Variants in FRMD3 observed in about 807,000 individuals in gnomAD.
FRMD3 encodes the protein FERM domain containing 3.
In FRMD3, 33 loss-of-function variants were observed where a neutral mutation model predicts 70.2. The ratio of observed to expected loss-of-function variants is 0.47; its 90% CI spans 0.36 to 0.63. The LOEUF (loss-of-function observed/expected upper bound fraction) is 0.63. Ranked by LOEUF, FRMD3 falls within the 20% of genes least tolerant of loss-of-function variation. The pLI, the probability that FRMD3 is intolerant of heterozygous loss-of-function variation, is 0.00. For synonymous variants in FRMD3, 279 were observed against 255.9 expected, an observed-to-expected ratio of 1.09 and a Z score of -0.86; for missense variants, 632 against 711.4, an observed-to-expected ratio of 0.89 and a Z score of 1.27.
intron 3 of FRMD3, among the ~76,000 whole-genome samples, chr9:83,372,050 A>C (rs962406672): frequency 6.6e-6 from 1 of 152,246 alleles, no homozygotes; most frequent in Non-Finnish European, 1.5e-5. Flanking sequence ...CATAATATGC[A>C]TTAACCTAAT....
intron 2 of FRMD3, among the ~76,000 whole-genome samples, chr9:83,388,511 AC>A (rs1277405202): frequency 6.6e-6 from 1 of 152,104 alleles, no homozygotes; most frequent in Non-Finnish European, 1.5e-5. Context: ...GCTGGGACCC[AC>A]CCCATGAGCC....
intron 1 of FRMD3, among the ~76,000 whole-genome samples, chr9:83,438,528 T>C (rs1827204203): frequency 6.6e-6 from 1 of 152,136 alleles, no homozygotes; most frequent in Admixed American, 6.6e-5. Flanking sequence ...GCCTCCCGAG[T>C]AGCTGGGATT....
intron 1 of FRMD3, among the ~76,000 whole-genome samples, chr9:83,518,162 T>G (rs1829494134): frequency 6.6e-6 from 1 of 152,140 alleles, no homozygotes; most frequent in African/African-American, 2.4e-5. Context: ...GAGAAAGAAA[T>G]AAAGCATGTT....
rs3029557 is a variant in FRMD3, at chr9:83,309,259, TACACACACACACACACACACACAC to T, written c.926+253_926+276del. Reference sequence around the variant, plus strand: ...ATTTTGTGGAAATAGCTATTTGAAATACACACACACACACACACACACACACACACACACACACACACACAGTGG... The same window carrying T: ...ATTTTGTGGAAATAGCTATTTGAAATACACACACACACACACACACAGTGG... On this transcript the variant is annotated intron_variant, in intron 10 of 13. Transcript: ENST00000304195. Among the ~76,000 whole-genome samples, 5 of 138,378 alleles carry T rather than the reference TACACACACACACACACACACACAC, an allele frequency of 3.6e-5. No homozygotes were observed. The South Asian group carries it at 1.3e-3, about 35-fold the overall frequency. 90.8% of individuals were successfully genotyped at this position (138,378 alleles called of 152,430 possible). A position where few individuals can be genotyped will look rare whatever the true frequency, so the allele number is the denominator to read the frequency against.
chr9:83,552,557 C>G, the FRMD3 span, among the ~76,000 whole-genome samples: 1 of 152,108 alleles, frequency 6.6e-6, no homozygotes, highest in Admixed American at 6.5e-5. Context: ...CTAATACTGT[C>G]AGTGGAGTGT....
intron 2 of FRMD3, among the ~76,000 whole-genome samples, chr9:83,375,743 G>C (rs1825122690): frequency 6.6e-6 from 1 of 152,170 alleles, no homozygotes. Flanking sequence ...AGGAGGGACA[G>C]GATCAGGCAA....
At chr9:83,250,212 C>T (rs1291042159) in intron 13 of FRMD3, among the ~76,000 whole-genome samples, 3 of 152,036 alleles carry the variant, frequency 2.0e-5, no homozygotes, top group East Asian at 3.9e-4. Context: ...CCCACCCCGA[C>T]CCCCAGCCAA....
chr9:83,387,968 A>G (rs1825558303), intron 2 of FRMD3, among the ~76,000 whole-genome samples: 1 of 152,150 alleles, frequency 6.6e-6, no homozygotes, highest in Non-Finnish European at 1.5e-5. Context: ...AGTGTTACTC[A>G]GTAAACACCA....
chr9:83,425,907 CAAA>C (rs71498055), intron 1 of FRMD3, among the ~76,000 whole-genome samples: 4 of 86,544 alleles, frequency 4.6e-5, no homozygotes, highest in Admixed American at 1.4e-4. Flanking sequence ...AACTCCGTCT[CAAA>C]AAAAAAAAAA....
At chr9:83,350,394 C>A (rs1824106192) in intron 3 of FRMD3, among the ~76,000 whole-genome samples, 1 of 151,470 alleles carries the variant, frequency 6.6e-6, no homozygotes, top group Admixed American at 6.6e-5. Flanking sequence ...GAGGCCAAGG[C>A]AGGCAGATCA....
the FRMD3 span, among the ~76,000 whole-genome samples, chr9:83,577,752 T>G: frequency 6.6e-6 from 1 of 151,552 alleles, no homozygotes; most frequent in African/African-American, 2.4e-5. Context: ...AGAAGAGAGA[T>G]CTCAAATAAA....
chr9:83,312,767 C>A (rs1377585880), intron 7 of FRMD3, among the ~76,000 whole-genome samples: 1 of 151,998 alleles, frequency 6.6e-6, no homozygotes, highest in Non-Finnish European at 1.5e-5. Context: ...CCCTGCGCCC[C>A]GCCCCGCCCT....
the FRMD3 span, among the ~76,000 whole-genome samples, chr9:83,580,554 T>C: frequency 5.9e-5 from 9 of 152,040 alleles, no homozygotes; most frequent in African/African-American, 2.2e-4. Context: ...ATATGGAATC[T>C]TTAAAAAGTT....
At chr9:83,251,947 T>C (rs993308950) in intron 13 of FRMD3, among the ~76,000 whole-genome samples, 2 of 152,154 alleles carry the variant, frequency 1.3e-5, no homozygotes, top group Admixed American at 6.5e-5. Context: ...TTAGAAAATA[T>C]ACTTCAGGAT....
the FRMD3 span, among the ~76,000 whole-genome samples, chr9:83,585,644 CAG>C: frequency 6.6e-5 from 10 of 152,154 alleles, no homozygotes; most frequent in Non-Finnish European, 1.2e-4. Context: ...TGTAGAGAGG[CAG>C]AGAGACAGGA....
intron 13 of FRMD3, among the ~76,000 whole-genome samples, chr9:83,254,754 T>G (rs997018936): frequency 1.3e-5 from 2 of 152,112 alleles, no homozygotes; most frequent in African/African-American, 4.8e-5. Context: ...AATACCTCTA[T>G]GCACATGAAC....
intron 10 of FRMD3, among the ~76,000 whole-genome samples, chr9:83,301,473 GT>G (rs199862325): frequency 1.3e-4 from 20 of 148,610 alleles, no homozygotes; most frequent in Admixed American, 8.7e-4. Flanking sequence ...TTGTGTATGT[GT>G]TTTTTTTTAA....
the FRMD3 span, among the ~76,000 whole-genome samples, chr9:83,551,033 GAGGGC>G: frequency 6.1e-3 from 925 of 152,254 alleles, 12 homozygotes; most frequent in African/African-American, 0.019. Context: ...AGTGGTGAGA[GAGGGC>G]ATCCTTCTCT....
chr9:83,270,821 G>A (rs759550416), intron 13 of FRMD3, among the ~76,000 whole-genome samples: 1 of 150,828 alleles, frequency 6.6e-6, no homozygotes, highest in Non-Finnish European at 1.5e-5. Flanking sequence ...AAATGTTAGC[G>A]ATTTTTTTTC....
Sources: allele counts gnomAD v4.1 joint callset (sites outside exome capture counted in the v4.1 genomes callset), GRCh38; gene constraint gnomAD v4.1.1; transcripts MANE v1.5; gene names NCBI Gene and HGNC (gene_info 2026-07-23, HGNC 2026-07-21).